PRMT3: variants seen among roughly 807,000 people sequenced by gnomAD.
PRMT3 encodes protein arginine N-methyltransferase 3.
Under a neutral mutation model 71.9 loss-of-function variants are expected in PRMT3, and 62 were observed. The ratio of observed to expected loss-of-function variants is 0.86; its 90% CI spans 0.70 to 1.07. The LOEUF (loss-of-function observed/expected upper bound fraction) is 1.07. PRMT3 is among the 50% of genes least tolerant of loss of function. PRMT3 has a pLI of 0.00. For missense variants in PRMT3, 663 were observed against 643.0 expected (o/e 1.03, Z -0.34); for synonymous variants, 213 against 220.4 (o/e 0.97, Z 0.30).
intron 9 of PRMT3, among the ~76,000 whole-genome samples, chr11:20,421,162 C>G (rs528112966): frequency 6.6e-6 from 1 of 152,118 alleles, no homozygotes; most frequent in Non-Finnish European, 1.5e-5. Context: ...CCTTGCTTCT[C>G]GAGTAGCCGG....
Position 20,407,948 on chromosome 11 carries a change from CTA to C in PRMT3, c.811_812del (p.Met271ValfsTer4). On this transcript the variant is annotated frameshift_variant, in exon 9 of 16. Coordinates refer to ENST00000331079, the MANE Select transcript of PRMT3 (RefSeq NM_005788.4). LOFTEE classifies it high-confidence loss of function. ...GTTGGGTGTGGAACTGGAATTCTCT[CTA>C]TGTTTGCTGCTAAAGCTGGGGCGAA... 1.2e-6 allele frequency: 2 copies of C among 1,611,122 alleles called. No individual in the cohort carries two copies. The highest frequency in any genetic ancestry group is 1.7e-6 in the Non-Finnish European group (2 of 1,177,524).
At chr11:20,405,622 TACAC>T (rs564938450) in intron 8 of PRMT3, 4 of 152,176 alleles carry the variant, frequency 2.6e-5, no homozygotes, top group Non-Finnish European at 5.9e-5. Flanking sequence ...TTCATACACA[TACAC>T]ATATATGCAT....
chr11:20,438,833 G>A (rs114829761), intron 10 of PRMT3, among the ~76,000 whole-genome samples: 4,539 of 152,290 alleles, frequency 0.03, 224 homozygotes, highest in African/African-American at 0.1. Flanking sequence ...TGATGGCAGA[G>A]GGGTGTTACT....
chr11:20,404,227 T>G (rs879810821), intron 8 of PRMT3, among the ~76,000 whole-genome samples: 21,036 of 63,220 alleles, frequency 0.33, 6,144 homozygotes, highest in Non-Finnish European at 0.43. Flanking sequence ...TTTTTTTTTT[T>G]TTTTTTTTTT....
chr11:20,445,013 T>TTG (rs569507429), intron 10 of PRMT3, among the ~76,000 whole-genome samples: 105 of 152,162 alleles, frequency 6.9e-4, no homozygotes, highest in Middle Eastern at 6.8e-3. Context: ...TTTTTAATAA[T>TTG]TGTAATTTTC....
intron 9 of PRMT3, among the ~76,000 whole-genome samples, chr11:20,409,654 A>AACACACACACACACACACAC (rs60686099): frequency 2.8e-5 from 4 of 144,332 alleles, no homozygotes; most frequent in African/African-American, 1.0e-4. Context: ...GGAATACACA[A>AACACACACACACACACACAC]ACACACACAC....
intron 9 of PRMT3, among the ~76,000 whole-genome samples, chr11:20,424,473 G>A (rs903970568): frequency 6.6e-5 from 10 of 152,274 alleles, no homozygotes; most frequent in African/African-American, 2.4e-4. Flanking sequence ...TGTCACTGTT[G>A]ATAGTCTGTC....
At position 20,508,499 on chromosome 11, in the gene PRMT3, A is replaced by G. The variant is rs1464548775; in HGVS notation, c.*86A>G. 8 of 882,796 alleles carry G rather than the reference A, an allele frequency of 9.1e-6. No individual in the cohort carries two copies. The highest frequency in any genetic ancestry group is 3.3e-5 in the African/African-American group (2 of 60,768). The allele number at this position is 882,796 out of a possible 1,614,324, so 54.7% of individuals were successfully genotyped here. ...GAGGGAGCTGGTTTTATGTGAGCAG[A>G]TGGATGGATGATGGACCCTTTCCTA... On this transcript the variant is annotated 3_prime_UTR_variant, in exon 16 of 16. Coordinates refer to ENST00000331079, the MANE Select transcript of PRMT3 (RefSeq NM_005788.4).
intron 9 of PRMT3, among the ~76,000 whole-genome samples, chr11:20,412,963 AG>A (rs1849227678): frequency 6.6e-6 from 1 of 152,154 alleles, no homozygotes. Flanking sequence ...ATTAGTTACC[AG>A]GCAGCCTGAC....
At chr11:20,489,566 C>G (rs569145979) in intron 13 of PRMT3, among the ~76,000 whole-genome samples, 16 of 152,040 alleles carry the variant, frequency 1.1e-4, no homozygotes, top group Admixed American at 7.2e-4. Flanking sequence ...GTTAAGATAG[C>G]CTGTCAAAGT....
At chr11:20,417,848 AC>A (rs1849342288) in intron 9 of PRMT3, among the ~76,000 whole-genome samples, 1 of 152,046 alleles carries the variant, frequency 6.6e-6, no homozygotes, top group Admixed American at 6.6e-5. Context: ...ATACCTGTAC[AC>A]ATCTTTGTGT....
intron 5 of PRMT3, 70 bp downstream of exon 5, chr11:20,393,069 A>C: frequency 1.0e-6 from 1 of 961,560 alleles, no homozygotes; most frequent in East Asian, 2.5e-5. Flanking sequence ...ATGGAGGTAG[A>C]GTGTTTTAGG....
Position 20,422,575 on chromosome 11 carries a change from A to G in PRMT3, c.894-4191A>G, listed in dbSNP as rs939867644. Among the ~76,000 whole-genome samples, 3 of 152,152 alleles carry G rather than the reference A, an allele frequency of 2.0e-5. 1 individual carries two copies. The highest frequency in any genetic ancestry group is 4.8e-5 in the African/African-American group (2 of 41,438). On this transcript the variant is annotated intron_variant, in intron 9 of 15. Transcript: ENST00000331079. ...TCTGCGTACTATTCCCTATCAGTCC[A>G]CTAGCAGGTTCTCTAAATCTTGCCA...
chr11:20,419,599 T>C (rs1849381797), intron 9 of PRMT3, among the ~76,000 whole-genome samples: 1 of 152,216 alleles, frequency 6.6e-6, no homozygotes, highest in Admixed American at 6.5e-5. Context: ...TTCTTGTAAG[T>C]GCTTTATAAT....
At chr11:20,455,160 A>G (rs1850240662) in intron 11 of PRMT3, among the ~76,000 whole-genome samples, 1 of 152,112 alleles carries the variant, frequency 6.6e-6, no homozygotes, top group Admixed American at 6.6e-5. Flanking sequence ...GTGTTTTTAC[A>G]ACTACGATTA....
chr11:20,477,936 A>C (rs1165740308), intron 13 of PRMT3, among the ~76,000 whole-genome samples: 1 of 152,032 alleles, frequency 6.6e-6, no homozygotes, highest in Non-Finnish European at 1.5e-5. Context: ...AGGGAACTAT[A>C]CTAGTGTACC....
At chr11:20,406,397 G>C (rs1849071384) in intron 8 of PRMT3, 1 of 152,212 alleles carries the variant, frequency 6.6e-6, no homozygotes, top group Admixed American at 6.5e-5. Context: ...AGGGCTGACT[G>C]TATTTCCTTT....
At chr11:20,470,335 A>AT (rs1486637414) in intron 13 of PRMT3, among the ~76,000 whole-genome samples, 1 of 152,160 alleles carries the variant, frequency 6.6e-6, no homozygotes, top group Non-Finnish European at 1.5e-5. Flanking sequence ...TGTACAGATC[A>AT]TCCCCTCACC....
intron 11 of PRMT3, among the ~76,000 whole-genome samples, chr11:20,458,000 G>A (rs989235877): frequency 7.9e-5 from 12 of 152,138 alleles, no homozygotes; most frequent in Admixed American, 5.9e-4. Context: ...GGGGAAATGA[G>A]TCCAATTTCC....
Sources: allele counts gnomAD v4.1 joint callset (sites outside exome capture counted in the v4.1 genomes callset), GRCh38; gene constraint gnomAD v4.1.1; transcripts MANE v1.5; gene names NCBI Gene and HGNC (gene_info 2026-07-23, HGNC 2026-07-21).